HFM1: variants seen among roughly 807,000 people sequenced by gnomAD.
HFM1 encodes probable ATP-dependent DNA helicase HFM1.
A neutral mutation model predicts 192.1 loss-of-function variants in HFM1; 169 were observed. The observed-to-expected ratio is 0.88, with a 90% CI of 0.78 to 1.00. HFM1 has a LOEUF of 1.00. HFM1 is among the 50% of genes least tolerant of loss of function. The pLI is 0.00. For missense variants in HFM1, 1,661 were observed against 1,668.0 expected, an observed-to-expected ratio of 1.00 and a Z score of 0.07; for synonymous variants, 525 against 537.8, an observed-to-expected ratio of 0.98 and a Z score of 0.33.
At chr1:91,337,894 C>T (rs991139117) in intron 20 of HFM1, among the ~76,000 whole-genome samples, 2 of 152,202 alleles carry the variant, frequency 1.3e-5, no homozygotes, top group Non-Finnish European at 2.9e-5. Flanking sequence ...CAACTGGACA[C>T]AGCCAGGAAG....
intron 20 of HFM1, chr1:91,328,536 G>A (rs1470343955): frequency 6.2e-7 from 1 of 1,612,652 alleles, no homozygotes; most frequent in Non-Finnish European, 8.5e-7. Flanking sequence ...GTGGGGATGT[G>A]CTGCAGAACG....
chr1:91,322,554 C>CAGTCATCCACTGTCACATATACACAAAA (rs1179316929), intron 23 of HFM1, among the ~76,000 whole-genome samples: 1 of 152,116 alleles, frequency 6.6e-6, no homozygotes, highest in African/African-American at 2.4e-5. Context: ...CACATATACA[C>CAGTCATCCACTGTCACATATACACAAAA]GCCTTTACTC....
intron 30 of HFM1, among the ~76,000 whole-genome samples, chr1:91,309,355 G>C (rs929059453): frequency 6.6e-6 from 1 of 152,166 alleles, no homozygotes; most frequent in Non-Finnish European, 1.5e-5. Flanking sequence ...TTTAGTTACA[G>C]AGCCATGTAA....
chr1:91,328,993 C>T, intron 20 of HFM1: 1 of 1,612,546 alleles, frequency 6.2e-7, no homozygotes, highest in African/African-American at 1.3e-5. Context: ...AGCTGCCAAT[C>T]CAGGAATTCC....
intron 6 of HFM1, among the ~76,000 whole-genome samples, chr1:91,382,695 A>G (rs1487041374): frequency 6.6e-6 from 1 of 152,158 alleles, no homozygotes; most frequent in East Asian, 1.9e-4. Context: ...GTGGGCCATC[A>G]TGTTGGTTTT....
rs373698783 is a variant in HFM1, at chr1:91,297,265, C to G, written c.3391+16084G>C. On this transcript the variant is annotated intron_variant, in intron 30 of 38. Coordinates refer to ENST00000370425, the MANE Select transcript of HFM1 (RefSeq NM_001017975.6). ...GGGGAGGGGCACCCGCCATTGCCGA[C>G]GCTTGAGTAGGTAAACAAAGCAGCC... Among the ~76,000 whole-genome samples the G allele has an allele frequency of 5.9e-5, 9 of 152,308 alleles. No homozygotes were observed. The East Asian group carries it at 1.7e-3, about 29-fold the overall frequency.
chr1:91,279,025 AT>A (rs1325230854), intron 30 of HFM1, among the ~76,000 whole-genome samples: 14 of 152,128 alleles, frequency 9.2e-5, no homozygotes, highest in Admixed American at 3.3e-4. Context: ...CAAAAAAAAA[AT>A]GTACCAAAAT....
At chr1:91,290,363 A>T (rs1158308204) in intron 30 of HFM1, among the ~76,000 whole-genome samples, 1 of 152,200 alleles carries the variant, frequency 6.6e-6, no homozygotes, top group Non-Finnish European at 1.5e-5. Flanking sequence ...AAGATCTACC[A>T]AGCAAATGGA....
chr1:91,299,554 T>C (rs1187114143), intron 30 of HFM1, among the ~76,000 whole-genome samples: 1 of 152,090 alleles, frequency 6.6e-6, no homozygotes, highest in Non-Finnish European at 1.5e-5. Flanking sequence ...CCTCAGCAAA[T>C]GTAAAAGAAC....
At chr1:91,374,201 C>G (rs902755471) in intron 13 of HFM1, among the ~76,000 whole-genome samples, 1 of 151,834 alleles carries the variant, frequency 6.6e-6, no homozygotes, top group Non-Finnish European at 1.5e-5. Context: ...ACAGCTTGAC[C>G]GTGATGATTA....
chr1:91,336,589 C>T (rs1177442907), intron 20 of HFM1, among the ~76,000 whole-genome samples: 2 of 152,096 alleles, frequency 1.3e-5, no homozygotes, highest in African/African-American at 2.4e-5. Flanking sequence ...CAACAGAAGC[C>T]GGCAAGATTG....
chr1:91,379,201 T>C lies in HFM1; in HGVS notation c.1020A>G (p.Lys340=). 1.2e-6 allele frequency: 2 copies of C among 1,602,968 alleles called. No homozygotes were observed. The highest frequency in any genetic ancestry group is 1.1e-5 in the South Asian group (1 of 88,354). Residue 340 remains lysine, a synonymous_variant, in exon 9 of 39, where the codon AAA becomes AAG. Transcript: ENST00000370425. ...CATCAAAACGCTGACTGCACAAGGC[T>C]TTTATTGGTGCCACTGTAACAATAT... The part of the protein sequence containing the change: ...NIKIVYMAPI[K]ALCSQRFDDW...
At chr1:91,277,296 T>C (rs1262943871) in intron 30 of HFM1, among the ~76,000 whole-genome samples, 1 of 151,606 alleles carries the variant, frequency 6.6e-6, no homozygotes, top group Non-Finnish European at 1.5e-5. Flanking sequence ...TAATTAGTAT[T>C]ACAGCCTCAA....
chr1:91,394,011 T>C (rs186947114), intron 4 of HFM1, 82 bp downstream of exon 4: 50 of 770,960 alleles, frequency 6.5e-5, no homozygotes, highest in East Asian at 4.0e-4. Flanking sequence ...CTCATTCACA[T>C]TGTACCATAT....
chr1:91,346,044 T>A (rs906667605), intron 19 of HFM1, among the ~76,000 whole-genome samples: 1 of 152,232 alleles, frequency 6.6e-6, no homozygotes. Context: ...AAATTTGTTA[T>A]GCTTTTCTCT....
intron 4 of HFM1, among the ~76,000 whole-genome samples, chr1:91,393,090 T>C (rs1360024568): frequency 3.2e-4 from 48 of 152,336 alleles, no homozygotes; most frequent in Non-Finnish European, 4.4e-5. Flanking sequence ...TTCTACACTT[T>C]AAAAAGGTGA....
intron 30 of HFM1, among the ~76,000 whole-genome samples, chr1:91,283,625 A>C (rs1667660721): frequency 6.6e-6 from 1 of 152,126 alleles, no homozygotes; most frequent in Non-Finnish European, 1.5e-5. Context: ...CTGAGGTGCA[A>C]ATATTTTCAT....
At chr1:91,377,556 C>T (rs1175877209) in intron 11 of HFM1, 1 of 157,344 alleles carries the variant, frequency 6.4e-6, no homozygotes, top group African/African-American at 2.4e-5. Flanking sequence ...CCCCATTAAC[C>T]ATGAGATCCT....
intron 2 of HFM1, among the ~76,000 whole-genome samples, chr1:91,400,414 A>G (rs1287233448): frequency 6.6e-6 from 1 of 151,994 alleles, no homozygotes; most frequent in Non-Finnish European, 1.5e-5. Context: ...TCCCATCTTT[A>G]GCTTGGCCAA....
Sources: allele counts gnomAD v4.1 joint callset (sites outside exome capture counted in the v4.1 genomes callset), GRCh38; gene constraint gnomAD v4.1.1; transcripts MANE v1.5; gene names NCBI Gene and HGNC (gene_info 2026-07-23, HGNC 2026-07-21).